PCP4L1: variants seen among roughly 807,000 people sequenced by gnomAD.
The protein encoded by PCP4L1 is Purkinje cell protein 4 like 1.
A neutral mutation model predicts 9.6 loss-of-function variants in PCP4L1; 9 were observed. That is an observed-to-expected ratio of 0.94 (90% CI 0.57 to 1.64). The LOEUF (loss-of-function observed/expected upper bound fraction) is 1.64, where lower values mean the gene tolerates loss of function less well. PCP4L1 is among the 40% of genes most tolerant of loss of function. The pLI is 0.00. For synonymous variants in PCP4L1, 31 were observed against 28.2 expected (o/e 1.10, Z -0.31); for missense variants, 81 against 80.8 (o/e 1.00, Z -0.01).
intron 1 of PCP4L1, among the ~76,000 whole-genome samples, chr1:161,281,551 C>T (rs1230419538): frequency 6.0e-5 from 9 of 149,928 alleles, no homozygotes; most frequent in African/African-American, 1.5e-4. Flanking sequence ...GGCAGCTGGC[C>T]GGGCGGGGGC....
chr1:161,267,496 C>T (rs1206747494), intron 1 of PCP4L1, among the ~76,000 whole-genome samples: 2 of 152,168 alleles, frequency 1.3e-5, no homozygotes, highest in African/African-American at 4.8e-5. Context: ...GAAGGGGCAA[C>T]ACTATCTTCC....
At chr1:161,259,620 G>T (rs1380498504) in intron 1 of PCP4L1, among the ~76,000 whole-genome samples, 1 of 152,212 alleles carries the variant, frequency 6.6e-6, no homozygotes, top group Non-Finnish European at 1.5e-5. Flanking sequence ...GGTGTTCACC[G>T]TGGCCAGACC....
chr1:161,259,038 C>T (rs898424583), intron 1 of PCP4L1, 55 bp downstream of exon 1: 253 of 1,519,526 alleles, frequency 1.7e-4, no homozygotes, highest in Middle Eastern at 4.6e-4. Flanking sequence ...GAGGGTGCTG[C>T]GGCTCGGGAT....
intron 1 of PCP4L1, among the ~76,000 whole-genome samples, chr1:161,273,425 AAAAC>A (rs150704327): frequency 0.052 from 7,982 of 152,194 alleles, 271 homozygotes; most frequent in Middle Eastern, 0.14. Context: ...AACCTGTTTC[AAAAC>A]AAACAAACAA....
At chr1:161,261,400 T>C (rs1300313876) in intron 1 of PCP4L1, among the ~76,000 whole-genome samples, 1 of 152,206 alleles carries the variant, frequency 6.6e-6, no homozygotes, top group Non-Finnish European at 1.5e-5. Flanking sequence ...AGTAGAGCAT[T>C]TCCCTGTGAG....
chr1:161,281,760 G>A (rs1448238127), intron 1 of PCP4L1, among the ~76,000 whole-genome samples: 1 of 28,498 alleles, frequency 3.5e-5, no homozygotes, highest in Non-Finnish European at 5.5e-5. Context: ...GGTCACGGCC[G>A]GGCAGAGGCG....
intron 1 of PCP4L1, among the ~76,000 whole-genome samples, chr1:161,283,022 T>C (rs552011393): frequency 7.2e-5 from 11 of 152,278 alleles, no homozygotes; most frequent in Admixed American, 2.0e-4. Flanking sequence ...ATCTCACTTG[T>C]AGTAACAGTC....
chr1:161,282,279 C>G (rs543366555), intron 1 of PCP4L1, among the ~76,000 whole-genome samples: 8 of 151,974 alleles, frequency 5.3e-5, no homozygotes, highest in African/African-American at 7.3e-5. Flanking sequence ...AGCAGGCACT[C>G]GGCAGGCTGA....
intron 1 of PCP4L1, among the ~76,000 whole-genome samples, chr1:161,267,328 G>A (rs1363884364): frequency 1.3e-5 from 2 of 152,228 alleles, no homozygotes; most frequent in African/African-American, 4.8e-5. Flanking sequence ...TGCAAATACA[G>A]GTATAGGTAG....
chr1:161,264,505 ACT>A (rs1669497276), intron 1 of PCP4L1, among the ~76,000 whole-genome samples: 1 of 151,618 alleles, frequency 6.6e-6, no homozygotes, highest in Non-Finnish European at 1.5e-5. Flanking sequence ...ACAGAGTAAG[ACT>A]CTGTCTAAGA....
At chr1:161,264,004 G>A (rs1342450389) in intron 1 of PCP4L1, among the ~76,000 whole-genome samples, 1 of 142,418 alleles carries the variant, frequency 7.0e-6, no homozygotes, top group Admixed American at 7.6e-5. Context: ...CTGCCTCCTG[G>A]CTTCAAGTGA....
rs1331305055 is a variant in PCP4L1, at chr1:161,258,936, G to A, written c.-39G>A. 6.5e-7 allele frequency: 1 copy of A among 1,535,032 alleles called. No individual in the cohort carries two copies. The highest frequency in any genetic ancestry group is 8.7e-7 in the Non-Finnish European group (1 of 1,146,272). On this transcript the variant is annotated 5_prime_UTR_variant, in exon 1 of 3. The change creates a new upstream start codon in the 5' untranslated region. Transcript: ENST00000504449. ...GCCCCGAGGGCCACTCGCCTCACCT[G>A]TGCGTGCAGCGCCTCGCGCGCCCTG...
intron 1 of PCP4L1, among the ~76,000 whole-genome samples, chr1:161,260,990 G>A (rs1419702577): frequency 1.3e-5 from 2 of 152,136 alleles, no homozygotes; most frequent in Admixed American, 6.5e-5. Context: ...TCTAGGGGCC[G>A]AGATCCAGCC....
intron 1 of PCP4L1, among the ~76,000 whole-genome samples, chr1:161,276,681 TAAAA>T (rs11312983): frequency 7.2e-6 from 1 of 139,598 alleles, no homozygotes. Flanking sequence ...ACTTATCTCT[TAAAA>T]AAAAAAAAAA....
At chr1:161,271,687 AG>A (rs1263316887) in intron 1 of PCP4L1, among the ~76,000 whole-genome samples, 1 of 152,094 alleles carries the variant, frequency 6.6e-6, no homozygotes, top group Admixed American at 6.5e-5. Context: ...TATTTTTAGT[AG>A]AAACTGGGTT....
chr1:161,271,377 C>T (rs1030315081), intron 1 of PCP4L1, among the ~76,000 whole-genome samples: 2 of 151,958 alleles, frequency 1.3e-5, no homozygotes, highest in Admixed American at 6.6e-5. Flanking sequence ...AATATTTTGC[C>T]CATTTAAAAA....
At chr1:161,276,148 G>T (rs535404768) in intron 1 of PCP4L1, among the ~76,000 whole-genome samples, 1 of 152,112 alleles carries the variant, frequency 6.6e-6, no homozygotes, top group Non-Finnish European at 1.5e-5. Flanking sequence ...TATTCCTGTG[G>T]AAGGTGTCAC....
chr1:161,283,987 A>G (rs997707754), intron 2 of PCP4L1, among the ~76,000 whole-genome samples: 2 of 152,196 alleles, frequency 1.3e-5, no homozygotes, highest in African/African-American at 4.8e-5. Flanking sequence ...GATAAGAAGA[A>G]ACTCATCAAA....
intron 1 of PCP4L1, among the ~76,000 whole-genome samples, chr1:161,263,696 C>T (rs908803621): frequency 2.6e-5 from 4 of 151,624 alleles, no homozygotes; most frequent in Admixed American, 2.0e-4. Context: ...ATCTTCCCAC[C>T]TCAGCATCCC....
Sources: gnomAD v4.1 joint callset for allele counts (sites outside exome capture counted in the v4.1 genomes callset) on GRCh38, gnomAD v4.1.1 for gene constraint, MANE v1.5 for transcripts, NCBI Gene and HGNC (gene_info 2026-07-23, HGNC 2026-07-21) for gene names.